The following FEV variants were observed in gnomAD, a reference collection of about 807,000 sequenced individuals.
The protein encoded by FEV is protein FEV.
FEV carries 14 observed loss-of-function variants against 20.5 expected under a neutral mutation model. The observed-to-expected ratio is 0.68, with a 90% confidence interval of 0.45 to 1.07. The LOEUF (loss-of-function observed/expected upper bound fraction) is 1.07, where lower values mean the gene tolerates loss of function less well. FEV is among the 50% of genes least tolerant of loss of function. The pLI, the probability that FEV is intolerant of heterozygous loss-of-function variation, is 0.00. For synonymous variants in FEV, 188 were observed against 163.7 expected (o/e 1.15, Z -1.13); for missense variants, 301 against 345.3 (o/e 0.87, Z 1.02).
chr2:218,985,102 A>G lies in FEV; in HGVS notation c.-27T>C. Reference sequence around the variant, plus strand: ...GCCGCCGGGGACTGGGCGGTGGGAGATGGGGGGGACGGGGAAGGGGGGCGA... The same window carrying G: ...GCCGCCGGGGACTGGGCGGTGGGAGGTGGGGGGGACGGGGAAGGGGGGCGA... On this transcript the variant is annotated 5_prime_UTR_variant, in exon 1 of 3. Coordinates refer to ENST00000295727, the MANE Select transcript of FEV (RefSeq NM_017521.3). The G allele has an allele frequency of 8.7e-7, 1 of 1,143,208 alleles. No individual in the cohort carries two copies. Among genetic ancestry groups the G allele is most frequent in the Non-Finnish European group, 1.2e-6 (1 of 809,302 alleles). The allele number at this position is 1,143,208 out of a possible 1,614,324, so 70.8% of individuals were successfully genotyped here. A position where few individuals can be genotyped will look rare whatever the true frequency, so the allele number is the denominator to read the frequency against.
Position 218,982,269 on chromosome 2 carries a change from G to T in FEV, c.128-13C>A. ...ATCTGTCCGCTGCCTGTGGGGAGGG[G>T]GGCGGTCAGCCACAGGCGGGAGCGG... On this transcript the variant is annotated splice_polypyrimidine_tract_variant and intron_variant, in intron 2 of 2. Coordinates refer to ENST00000295727, the MANE Select transcript of FEV (RefSeq NM_017521.3). The T allele has an allele frequency of 6.4e-7, 1 of 1,560,410 alleles. No homozygotes were observed. The highest frequency in any genetic ancestry group is 1.2e-5 in the South Asian group (1 of 85,830).
Position 218,981,964 on chromosome 2 carries a change from C to A in FEV, c.420G>T (p.Ala140=), listed in dbSNP as rs1234401266. The A allele has an allele frequency of 6.4e-6, 10 of 1,560,010 alleles. No homozygotes were observed. The highest frequency in any genetic ancestry group is 1.4e-5 in the African/African-American group (1 of 70,860). ...GLAQACQPPP[A]HAHAAAAAAA... ...CAGCTGCGGCGGCGGCATGAGCGTG[C>A]GCGGGCGGCGGCTGGCAGGCCTGCG... is the stretch of plus-strand genomic sequence containing the variant. Residue 140 remains alanine, a synonymous_variant, in exon 3 of 3, where the codon GCG becomes GCT. Transcript: ENST00000295727. The surrounding 1 kb of genome is among the most constrained non-coding windows in gnomAD (Gnocchi z 4.5).
Position 218,984,551 on chromosome 2 carries a change from A to G in FEV, c.53-246T>C. 1 of 443,590 alleles carries G rather than the reference A, an allele frequency of 2.3e-6. No homozygotes were observed. The highest frequency in any genetic ancestry group is 4.1e-6 in the Non-Finnish European group (1 of 245,676). 27.5% of individuals were successfully genotyped at this position (443,590 alleles called of 1,614,324 possible). On this transcript the variant is annotated intron_variant, in intron 1 of 2. Coordinates refer to ENST00000295727, the MANE Select transcript of FEV (RefSeq NM_017521.3). This position sits in a 1 kb window ranked among gnomAD's most constrained non-coding sequence, Gnocchi z 5.0. ...TCCGCTTTCCGAAGGGGCCGGCTGG[A>G]GCCTTATAAAGCCGAGCGGGGAACT...
rs1179753746 is a variant in FEV, at chr2:218,985,037, G to T, written c.39C>A (p.Asn13Lys). ...QSGASQPLLI[N>K]MYLPDPVGDG... ...GGTCCCTGGTACCTGGCAGGTACATGTTGATCAGCAGGGGCTGGGAGGCGC... is the reference window on the plus strand; with the variant it reads ...GGTCCCTGGTACCTGGCAGGTACATTTTGATCAGCAGGGGCTGGGAGGCGC... Residue 13 changes from asparagine (N) to lysine (K), a missense_variant, in exon 1 of 3, where the codon AAC becomes AAA. Transcript: ENST00000295727. 11 of 1,559,162 alleles carry T rather than the reference G, an allele frequency of 7.1e-6. No homozygotes were observed. The highest frequency in any genetic ancestry group is 1.9e-5 in the Admixed American group (1 of 52,458).
Position 218,981,624 on chromosome 2 carries a change from C to T in FEV, c.*43G>A, listed in dbSNP as rs1286331753. 3 of 1,270,248 alleles carry T rather than the reference C, an allele frequency of 2.4e-6. No homozygotes were observed. The highest frequency in any genetic ancestry group is 3.0e-6 in the Non-Finnish European group (3 of 1,007,234). The allele number at this position is 1,270,248 out of a possible 1,614,324, so 78.7% of individuals were successfully genotyped here. A position where few individuals can be genotyped will look rare whatever the true frequency, so the allele number is the denominator to read the frequency against. On this transcript the variant is annotated 3_prime_UTR_variant, in exon 3 of 3. Coordinates refer to ENST00000295727, the MANE Select transcript of FEV (RefSeq NM_017521.3). This position sits in a 1 kb window ranked among gnomAD's most constrained non-coding sequence, Gnocchi z 4.5. ...GGGATGCCGATGGGATCGGGCGAGA[C>T]TCTAGGCGTGCGGGCGAGGCCGCAG...
intron 2 of FEV, among the ~76,000 whole-genome samples, chr2:218,983,001 C>A (rs1000582709): frequency 6.6e-6 from 1 of 152,188 alleles, no homozygotes; most frequent in Non-Finnish European, 1.5e-5. Flanking sequence ...AGAATTTGGC[C>A]TCTTATTTTC....
At position 218,982,172 on chromosome 2, in the gene FEV, C is replaced by G; in HGVS notation, c.212G>C (p.Gly71Ala). The part of the protein sequence containing the change: ...ANAGCIAWEG[G>A]HGEFKLTDPD... ...GTCCGTGAGCTTGAACTCGCCGTGA[C>G]CGCCCTCCCACGCGATGCAGCCGGC... The change falls in exon 3 of 3, where the codon GGT becomes GCT. Residue 71 changes from glycine (G) to alanine (A), a missense_variant. Physicochemically the swap from Gly to Ala is moderately conservative, Grantham distance 60. Coordinates refer to ENST00000295727, the MANE Select transcript of FEV (RefSeq NM_017521.3). 6.2e-7 allele frequency: 1 copy of G among 1,612,940 alleles called. No homozygotes were observed. Among genetic ancestry groups the G allele is most frequent in the Non-Finnish European group, 8.5e-7 (1 of 1,179,710 alleles).
Position 218,982,033 on chromosome 2 carries a change from C to A in FEV, c.351G>T (p.Val117=). ...AGCGGTAGGCGTAGCGCTTGCCATG[C>A]ACCTTGCTCATGATGTTCTTGTCGT... ...YYYDKNIMSK[V]HGKRYAYRFD... Residue 117 remains valine (V), a synonymous_variant, in exon 3 of 3, where the codon GTG becomes GTT. Coordinates refer to ENST00000295727, the MANE Select transcript of FEV (RefSeq NM_017521.3). 1 of 1,613,608 alleles carries A rather than the reference C, an allele frequency of 6.2e-7. No individual in the cohort carries two copies. Among genetic ancestry groups the A allele is most frequent in the Non-Finnish European group, 8.5e-7 (1 of 1,179,820 alleles).
Position 218,985,045 on chromosome 2 carries a change from G to A in FEV, c.31C>T (p.Leu11=), listed in dbSNP as rs202121405. The A allele has an allele frequency of 4.4e-4, 683 of 1,560,472 alleles. No individual in the cohort carries two copies. The highest frequency in any genetic ancestry group is 5.6e-4 in the Non-Finnish European group (649 of 1,152,482). The change falls in exon 1 of 3, where the codon CTG becomes TTG. Residue 11 remains leucine (L), a synonymous_variant. Coordinates refer to ENST00000295727, the MANE Select transcript of FEV (RefSeq NM_017521.3). MRQSGASQPL[L]INMYLPDPVG... Reference sequence around the variant, plus strand: ...GTACCTGGCAGGTACATGTTGATCAGCAGGGGCTGGGAGGCGCCGCTCTGT... The same window carrying A: ...GTACCTGGCAGGTACATGTTGATCAACAGGGGCTGGGAGGCGCCGCTCTGT...
Position 218,981,978 on chromosome 2 carries a change from G to A in FEV, c.406C>T (p.Gln136Ter). ...FDFQGLAQAC[Q>*]PPPAHAHAAA... ...GCATGAGCGTGCGCGGGCGGCGGCT[G>A]GCAGGCCTGCGCCAGGCCCTGGAAG... Residue 136 changes from glutamine (Q) to a stop codon, truncating the protein, a stop_gained, in exon 3 of 3, where the codon CAG becomes TAG. Coordinates refer to ENST00000295727, the MANE Select transcript of FEV (RefSeq NM_017521.3). LOFTEE classifies it high-confidence loss of function. The surrounding 1 kb of genome is among the most constrained non-coding windows in gnomAD (Gnocchi z 4.5). 1.3e-6 allele frequency: 2 copies of A among 1,580,378 alleles called. No homozygotes were observed. The highest frequency in any genetic ancestry group is 1.7e-6 in the Non-Finnish European group (2 of 1,167,066).
chr2:218,982,970 C>G (rs1304787585), intron 2 of FEV, among the ~76,000 whole-genome samples: 3 of 152,240 alleles, frequency 2.0e-5, no homozygotes, highest in African/African-American at 7.2e-5. Context: ...TTCGGGTGCG[C>G]AGGCCTCTGC....
Position 218,981,917 on chromosome 2 carries a change from T to C in FEV, c.467A>G (p.Gln156Arg). ...AAAAAAAAAA[Q>R]DGALYKLPAG... ...GGGCAGCTTGTAGAGCGCGCCGTCC[T>C]GGGCGGCCGCGGCGGCGGCAGCAGC... The change falls in exon 3 of 3, where the codon CAG becomes CGG. Residue 156 changes from glutamine to arginine, a missense_variant. Transcript: ENST00000295727. The surrounding 1 kb of genome is among the most constrained non-coding windows in gnomAD (Gnocchi z 4.5). 9.2e-6 allele frequency: 12 copies of C among 1,308,880 alleles called. No individual in the cohort carries two copies. The highest frequency in any genetic ancestry group is 1.2e-5 in the Non-Finnish European group (12 of 1,035,224). The allele number at this position is 1,308,880 out of a possible 1,614,324, so 81.1% of individuals were successfully genotyped here.
chr2:218,982,060 G>A lies in FEV; in HGVS notation c.324C>T (p.Tyr108=). ...CCTTGCTCATGATGTTCTTGTCGTA[G>A]TAGTAGCGCAGGGCGCGGCTCAGCT... The part of the protein sequence containing the change: ...YDKLSRALRY[Y]YDKNIMSKVH... Residue 108 remains tyrosine (Y), a synonymous_variant, in exon 3 of 3, where the codon TAC becomes TAT. Transcript: ENST00000295727. 3.1e-6 allele frequency: 5 copies of A among 1,613,852 alleles called. No individual in the cohort carries two copies. Among genetic ancestry groups the A allele is most frequent in the Non-Finnish European group, 4.2e-6 (5 of 1,179,866 alleles).
At chr2:218,982,297 A>AGGCGGGAACTGGGGAAGAGTGCT (rs1945397507) in intron 2 of FEV, 41 bp from the exon 3 acceptor site, 2 of 1,504,652 alleles carry the variant, frequency 1.3e-6, no homozygotes, top group African/African-American at 2.8e-5. Flanking sequence ...GGGAGCGGGG[A>AGGCGGGAACTGGGGAAGAGTGCT]GGCGGGAACT....
In FEV at chr2:218,984,209, CCCAGCGCGCCGG is replaced by C. The variant is rs1292144632; in HGVS notation, c.127+10_127+21del. On this transcript the variant is annotated intron_variant, in intron 2 of 2. Coordinates refer to ENST00000295727, the MANE Select transcript of FEV (RefSeq NM_017521.3). The surrounding 1 kb of genome is among the most constrained non-coding windows in gnomAD (Gnocchi z 5.0). ...ACCCCAACCAACCTCGCCTCCGCCGCCCAGCGCGCCGGCCATCTCACCTTTCTGAACCGCGGG... is the reference window on the plus strand; with the variant it reads ...ACCCCAACCAACCTCGCCTCCGCCGCCCATCTCACCTTTCTGAACCGCGGG... 4 of 1,573,158 alleles carry C rather than the reference CCCAGCGCGCCGG, an allele frequency of 2.5e-6. No individual in the cohort carries two copies. The highest frequency in any genetic ancestry group is 8.6e-7 in the Non-Finnish European group (1 of 1,159,252).
rs939304087 is a variant in FEV at position 218,981,547 on chromosome 2, G to A, written c.*120C>T. ...CGTCCCCCTGCTAAGTGCGGCAGGTGGAGTAAACTCTGGATTAGAGGACGG... is the reference window on the plus strand; with the variant it reads ...CGTCCCCCTGCTAAGTGCGGCAGGTAGAGTAAACTCTGGATTAGAGGACGG... On this transcript the variant is annotated 3_prime_UTR_variant, in exon 3 of 3. Coordinates refer to ENST00000295727, the MANE Select transcript of FEV (RefSeq NM_017521.3). The surrounding 1 kb of genome is among the most constrained non-coding windows in gnomAD (Gnocchi z 4.5). The A allele has an allele frequency of 1.3e-6, 1 of 758,744 alleles. No individual in the cohort carries two copies. Among genetic ancestry groups the A allele is most frequent in the Non-Finnish European group, 1.8e-6 (1 of 556,132 alleles). 47.0% of individuals were successfully genotyped at this position (758,744 alleles called of 1,614,324 possible). A position where few individuals can be genotyped will look rare whatever the true frequency, so the allele number is the denominator to read the frequency against.
chr2:218,984,030 G>T lies in FEV; in HGVS notation c.127+201C>A, dbSNP rs1945415263. On this transcript the variant is annotated intron_variant, in intron 2 of 2. Transcript: ENST00000295727. The surrounding 1 kb of genome is among the most constrained non-coding windows in gnomAD (Gnocchi z 5.0). Reference sequence around the variant, plus strand: ...GGCTGGGATCCTCTCCATCTGCCTTGGCCTGCAACTCTTTTCCTGGTGCTC... The same window carrying T: ...GGCTGGGATCCTCTCCATCTGCCTTTGCCTGCAACTCTTTTCCTGGTGCTC... 6.6e-6 allele frequency among the ~76,000 whole-genome samples: 1 copy of T among 152,192 alleles called. No individual in the cohort carries two copies. Among genetic ancestry groups the T allele is most frequent in the Non-Finnish European group, 1.5e-5 (1 of 68,028 alleles).
intron 2 of FEV, among the ~76,000 whole-genome samples, chr2:218,982,637 A>G (rs895981059): frequency 6.6e-6 from 1 of 152,200 alleles, no homozygotes; most frequent in African/African-American, 2.4e-5. Context: ...GCCACTCTCC[A>G]TCTCAGCCGG....
At chr2:218,982,551 T>C (rs1945400982) in intron 2 of FEV, among the ~76,000 whole-genome samples, 1 of 151,910 alleles carries the variant, frequency 6.6e-6, no homozygotes, top group South Asian at 2.1e-4. Flanking sequence ...AGGGGAAGCA[T>C]TGCCTCCCCC....
Sources: gnomAD v4.1 joint callset for allele counts (sites outside exome capture counted in the v4.1 genomes callset) on GRCh38, gnomAD v4.1.1 for gene constraint, Gnocchi (gnomAD v3.1) non-coding constraint, MANE v1.5 for transcripts, NCBI Gene and HGNC (gene_info 2026-07-23, HGNC 2026-07-21) for gene names.